The following LYRM1 variants were observed in gnomAD, a reference collection of about 807,000 sequenced individuals.
LYRM1 encodes LYR motif-containing protein 1.
Under a neutral mutation model 14.9 loss-of-function variants are expected in LYRM1, and 14 were observed. The ratio of observed to expected loss-of-function variants is 0.94; its 90% CI spans 0.62 to 1.47. LYRM1 has a LOEUF of 1.47. LYRM1 is among the 40% of genes most tolerant of loss of function. The probability of loss-of-function intolerance (pLI) is 0.00; values close to 1 mark genes in which losing one functional copy is unlikely to be tolerated. For synonymous variants in LYRM1, 43 were observed against 56.2 expected (o/e 0.77, Z 1.05); for missense variants, 153 against 149.9 (o/e 1.02, Z -0.11).
chr16:20,917,310 T>G (rs1010692383), intron 2 of LYRM1, among the ~76,000 whole-genome samples: 11 of 152,184 alleles, frequency 7.2e-5, no homozygotes, highest in African/African-American at 2.7e-4. Flanking sequence ...ATACAACTGC[T>G]ATTTCTATTT....
At chr16:20,906,451 C>T (rs1201543588) in intron 1 of LYRM1, among the ~76,000 whole-genome samples, 1 of 152,144 alleles carries the variant, frequency 6.6e-6, no homozygotes, top group Non-Finnish European at 1.5e-5. Flanking sequence ...GACTATACTA[C>T]GGTCATGAGT....
chr16:20,907,092 T>A (rs563621594), intron 1 of LYRM1, among the ~76,000 whole-genome samples: 24 of 152,338 alleles, frequency 1.6e-4, no homozygotes, highest in Non-Finnish European at 3.2e-4. Flanking sequence ...TCCTGTCAAC[T>A]AATTAGGGGC....
rs547667813 is a variant in LYRM1 at position 20,901,120 on chromosome 16, C to G, written c.-1+231C>G. 2 of 152,346 alleles carry G rather than the reference C, an allele frequency of 1.3e-5. No homozygotes were observed. The highest frequency in any genetic ancestry group is 2.9e-5 in the Non-Finnish European group (2 of 68,162). 9.4% of individuals were successfully genotyped at this position (152,346 alleles called of 1,614,324 possible). A position where few individuals can be genotyped will look rare whatever the true frequency, so the allele number is the denominator to read the frequency against. On this transcript the variant is annotated intron_variant, in intron 1 of 3. Coordinates refer to ENST00000567954, the MANE Select transcript of LYRM1 (RefSeq NM_001128302.3). The surrounding 1 kb of genome is among the most constrained non-coding windows in gnomAD (Gnocchi z 4.6). ...AGAGGGGAGGCCTGGTGTGGGGACG[C>G]TCAGGTGCCGGCGTGGGGCCCCCTC...
chr16:20,910,938 A>T (rs944361531), intron 1 of LYRM1, among the ~76,000 whole-genome samples: 1 of 152,246 alleles, frequency 6.6e-6, no homozygotes. Context: ...TGTACCTCAC[A>T]GGAACTGACT....
At chr16:20,911,824 C>T (rs1403115623) in intron 1 of LYRM1, among the ~76,000 whole-genome samples, 1 of 152,156 alleles carries the variant, frequency 6.6e-6, no homozygotes, top group African/African-American at 2.4e-5. Flanking sequence ...TCCTGAACTC[C>T]TGGCCTCAAA....
In LYRM1 at chr16:20,920,533, C is replaced by T. The variant is rs8050226; in HGVS notation, c.252+319C>T. 504 of 297,914 alleles carry T rather than the reference C, an allele frequency of 1.7e-3. 3 individuals carry two copies. The highest frequency in any genetic ancestry group is 0.011 in the African/African-American group (480 of 45,676). The allele number at this position is 297,914 out of a possible 1,614,324, so 18.5% of individuals were successfully genotyped here. The stretch of plus-strand genomic sequence containing the variant: ...ATTATAAAAGGCAGGTTTGTTGTTA[C>T]TAAAAGAATAAAGTTCAAACATGAA... On this transcript the variant is annotated intron_variant, in intron 3 of 3. Transcript: ENST00000567954.
intron 1 of LYRM1, among the ~76,000 whole-genome samples, chr16:20,908,313 T>C (rs1231508209): frequency 6.6e-6 from 1 of 152,266 alleles, no homozygotes. Flanking sequence ...CTTTGCTCTT[T>C]GTATAGAAAG....
intron 3 of LYRM1, chr16:20,920,660 G>A: frequency 6.0e-6 from 1 of 167,630 alleles, no homozygotes; most frequent in Admixed American, 6.1e-5. Flanking sequence ...GGCCAAGGCA[G>A]GAGGATCACT....
chr16:20,904,734 A>G (rs1567442707), intron 1 of LYRM1, among the ~76,000 whole-genome samples: 1 of 77,038 alleles, frequency 1.3e-5, no homozygotes, highest in Non-Finnish European at 3.1e-5. Context: ...TGTTTAATTG[A>G]TAGGAGGATA....
chr16:20,918,160 C>CT (rs1418639665), intron 2 of LYRM1, among the ~76,000 whole-genome samples: 2 of 152,098 alleles, frequency 1.3e-5, no homozygotes, highest in African/African-American at 4.8e-5. Context: ...CAAGTAATAA[C>CT]TTTGATAGTT....
In LYRM1 at chr16:20,913,162, TAAAC is replaced by T. The variant is rs148519508; in HGVS notation, c.1-2391_1-2388del. On this transcript the variant is annotated intron_variant, in intron 1 of 3. Coordinates refer to ENST00000567954, the MANE Select transcript of LYRM1 (RefSeq NM_001128302.3). ...ATGTTATGTGTAAAGATATGCACAA[TAAAC>T]AATAAATTCAGCATAGTGATTCCTT... Among the ~76,000 whole-genome samples, 1,174 of 151,512 alleles carry T rather than the reference TAAAC, an allele frequency of 7.7e-3. 22 individuals are homozygous for T. The highest frequency in any genetic ancestry group is 0.027 in the African/African-American group (1,107 of 41,408).
chr16:20,914,932 A>G (rs2082797284), intron 1 of LYRM1, among the ~76,000 whole-genome samples: 1 of 152,228 alleles, frequency 6.6e-6, no homozygotes, highest in South Asian at 2.1e-4. Context: ...TCACCTAGGC[A>G]TTCAGGTGAG....
chr16:20,904,830 G>A (rs527987253), intron 1 of LYRM1, among the ~76,000 whole-genome samples: 2 of 151,910 alleles, frequency 1.3e-5, no homozygotes, highest in Non-Finnish European at 2.9e-5. Context: ...AAAGGAGGGA[G>A]TATAACAGAT....
intron 1 of LYRM1, among the ~76,000 whole-genome samples, chr16:20,906,891 C>T (rs1334969873): frequency 6.6e-6 from 1 of 152,176 alleles, no homozygotes; most frequent in African/African-American, 2.4e-5. Flanking sequence ...TTCTTGGAAC[C>T]TCCCCAGACC....
chr16:20,901,092 C>T lies in LYRM1; in HGVS notation c.-1+203C>T, dbSNP rs1043278807. On this transcript the variant is annotated intron_variant, in intron 1 of 3. Coordinates refer to ENST00000567954, the MANE Select transcript of LYRM1 (RefSeq NM_001128302.3). This position sits in a 1 kb window ranked among gnomAD's most constrained non-coding sequence, Gnocchi z 4.6. ...TGCCTCACGGAAGTGGCTCGCGCGT[C>T]CAAGAGGGGAGGCCTGGTGTGGGGA... The T allele has an allele frequency of 1.3e-5, 2 of 152,330 alleles. No individual in the cohort carries two copies. Among genetic ancestry groups the T allele is most frequent in the Non-Finnish European group, 1.5e-5 (1 of 68,154 alleles). 9.4% of individuals were successfully genotyped at this position (152,330 alleles called of 1,614,324 possible).
At chr16:20,913,783 GAGATCTTC>G in intron 1 of LYRM1, among the ~76,000 whole-genome samples, 1 of 152,162 alleles carries the variant, frequency 6.6e-6, no homozygotes, top group Non-Finnish European at 1.5e-5. Context: ...GAGGGGCCTT[GAGATCTTC>G]AGTCATCAGA....
intron 1 of LYRM1, among the ~76,000 whole-genome samples, chr16:20,908,381 A>G (rs1437730773): frequency 6.6e-6 from 1 of 152,232 alleles, no homozygotes; most frequent in African/African-American, 2.4e-5. Context: ...AAAGCAATCA[A>G]CAGACATTCA....
In LYRM1 at chr16:20,924,554, TGA is replaced by T. The variant is rs1165210093; in HGVS notation, c.*440_*441del. On this transcript the variant is annotated 3_prime_UTR_variant, in exon 4 of 4. Transcript: ENST00000567954. ...TTTCAAGTTATAGATTTGCTTAAAG[TGA>T]GGTTTTTTGGTGTGTGCTTTTTTGT... 2 of 152,702 alleles carry T rather than the reference TGA, an allele frequency of 1.3e-5. No homozygotes were observed. The highest frequency in any genetic ancestry group is 2.9e-5 in the Non-Finnish European group (2 of 68,504). 9.5% of individuals were successfully genotyped at this position (152,702 alleles called of 1,614,324 possible).
intron 1 of LYRM1, among the ~76,000 whole-genome samples, chr16:20,912,999 G>A (rs1010658580): frequency 4.0e-5 from 6 of 151,858 alleles, no homozygotes; most frequent in East Asian, 1.9e-4. Flanking sequence ...CTGGGAGGCG[G>A]AGGTTGCAGT....
Sources: allele counts gnomAD v4.1 joint callset (sites outside exome capture counted in the v4.1 genomes callset), GRCh38; gene constraint gnomAD v4.1.1; non-coding constraint Gnocchi (gnomAD v3.1); transcripts MANE v1.5; gene names NCBI Gene and HGNC (gene_info 2026-07-23, HGNC 2026-07-21).